ASB17: variants seen among roughly 807,000 people sequenced by gnomAD.
The protein encoded by ASB17 is ankyrin repeat and SOCS box containing 17.
ASB17 carries 26 observed loss-of-function variants against 25.7 expected under a neutral mutation model. The ratio of observed to expected loss-of-function variants is 1.01; its 90% confidence interval spans 0.74 to 1.40. The LOEUF (loss-of-function observed/expected upper bound fraction) is 1.40, where lower values mean the gene tolerates loss of function less well. Among genes scored for constraint, ASB17 ranks in the 40% most tolerant of loss-of-function variants. ASB17 has a pLI of 0.00. For synonymous variants in ASB17, 128 were observed against 121.4 expected (o/e 1.05, Z -0.36); for missense variants, 326 against 338.5 (o/e 0.96, Z 0.29).
Position 75,918,876 on chromosome 1 carries a change from C to T in ASB17, c.*76G>A. 4 of 1,203,924 alleles carry T rather than the reference C, an allele frequency of 3.3e-6. No individual in the cohort carries two copies. The highest frequency in any genetic ancestry group is 2.6e-5 in the South Asian group (2 of 77,098). 74.6% of individuals were successfully genotyped at this position (1,203,924 alleles called of 1,614,324 possible). A position where few individuals can be genotyped will look rare whatever the true frequency, so the allele number is the denominator to read the frequency against. On this transcript the variant is annotated 3_prime_UTR_variant, in exon 3 of 3. Transcript: ENST00000284142. ...GAATGTTTAATGCAATAAAAACTTA[C>T]ATGAAGTGAATTTTTATTAACTTCT... is the stretch of plus-strand genomic sequence containing the variant.
At position 75,931,830 on chromosome 1, in the gene ASB17, C is replaced by T. The variant is rs146811000; in HGVS notation, c.401+61G>A. The stretch of plus-strand genomic sequence containing the variant: ...ACATGTGAGTTTTAGAAAAAAGAAG[C>T]ACTCTACTCTCGTAAAGATAAATTT... On this transcript the variant is annotated intron_variant, in intron 1 of 2. Transcript: ENST00000284142. 658 of 1,439,416 alleles carry T rather than the reference C, an allele frequency of 4.6e-4. 6 individuals carry two copies. The East Asian group carries it at 0.013, about 29-fold the overall frequency. 89.2% of individuals were successfully genotyped at this position (1,439,416 alleles called of 1,614,324 possible). A position where few individuals can be genotyped will look rare whatever the true frequency, so the allele number is the denominator to read the frequency against.
intron 1 of ASB17, among the ~76,000 whole-genome samples, chr1:75,929,560 T>A (rs2100615874): frequency 6.6e-6 from 1 of 152,340 alleles, no homozygotes; most frequent in African/African-American, 2.4e-5. Context: ...TTGAATGTTA[T>A]ACCCCTTGTA....
intron 1 of ASB17, among the ~76,000 whole-genome samples, chr1:75,924,161 G>C (rs886449904): frequency 6.6e-6 from 1 of 152,136 alleles, no homozygotes; most frequent in African/African-American, 2.4e-5. Context: ...AATGTTTTAG[G>C]CACAAGCATA....
intron 1 of ASB17, among the ~76,000 whole-genome samples, chr1:75,926,359 T>C (rs1337394855): frequency 6.6e-6 from 1 of 152,096 alleles, no homozygotes; most frequent in Admixed American, 6.6e-5. Context: ...TTAAATAAGA[T>C]GATGGAAGAG....
At chr1:75,919,449 A>G (rs953927365) in intron 2 of ASB17, among the ~76,000 whole-genome samples, 17 of 152,078 alleles carry the variant, frequency 1.1e-4, no homozygotes, top group Non-Finnish European at 1.5e-4. Context: ...GGTTAGTTAC[A>G]TATGTATACA....
At chr1:75,930,810 C>G (rs1653304331) in intron 1 of ASB17, among the ~76,000 whole-genome samples, 1 of 152,080 alleles carries the variant, frequency 6.6e-6, no homozygotes, top group Non-Finnish European at 1.5e-5. Flanking sequence ...GTGGACCTTC[C>G]AGGGCTGTAG....
At chr1:75,926,771 A>G (rs1653184255) in intron 1 of ASB17, among the ~76,000 whole-genome samples, 1 of 152,238 alleles carries the variant, frequency 6.6e-6, no homozygotes, top group Non-Finnish European at 1.5e-5. Context: ...TAAGAGAAAC[A>G]TTAAGGATGG....
intron 2 of ASB17, among the ~76,000 whole-genome samples, chr1:75,919,991 A>G (rs537801609): frequency 2.6e-5 from 4 of 152,182 alleles, no homozygotes; most frequent in African/African-American, 9.7e-5. Flanking sequence ...TATTTTATCA[A>G]CTTCTTCCTG....
Position 75,932,081 on chromosome 1 carries a change from T to C in ASB17, c.211A>G (p.Ile71Val). 3 of 1,614,090 alleles carry C rather than the reference T, an allele frequency of 1.9e-6. No homozygotes were observed. The highest frequency in any genetic ancestry group is 2.2e-5 in the East Asian group (1 of 44,864). ...TATCCTGATTTTTCCACAAATGCAA[T>C]GTAATCTGTGAGTAGTGCGTCAAAA... ...DGFDALLTDYIAFVEKSGYRF... is the reference protein window; with the variant it reads ...DGFDALLTDYVAFVEKSGYRF... Residue 71 changes from isoleucine to valine, a missense_variant, in exon 1 of 3, where the codon ATT becomes GTT. By Grantham distance (29) the Ile-to-Val change is conservative. Transcript: ENST00000284142.
chr1:75,929,605 A>G (rs925028651), intron 1 of ASB17, among the ~76,000 whole-genome samples: 2 of 152,164 alleles, frequency 1.3e-5, no homozygotes, highest in Non-Finnish European at 2.9e-5. Context: ...GGAGGATTTT[A>G]ACTATGGTTG....
At chr1:75,920,768 T>G (rs1229576451) in intron 2 of ASB17, among the ~76,000 whole-genome samples, 1 of 151,956 alleles carries the variant, frequency 6.6e-6, no homozygotes, top group East Asian at 1.9e-4. Context: ...GCTTTTCTTT[T>G]CTTTTCTTTT....
Position 75,921,069 on chromosome 1 carries a change from C to T in ASB17, c.681+1011G>A, listed in dbSNP as rs150703047. Among the ~76,000 whole-genome samples the T allele has an allele frequency of 6.3e-3, 964 of 152,256 alleles. 15 individuals carry two copies. Among genetic ancestry groups the T allele is most frequent in the Admixed American group, 0.035 (538 of 15,278 alleles). ...GATTACAGGCGTGAGCCACTGCGCC[C>T]GGCCTGTCCTAGTGCTTTTCTACTA... is the stretch of plus-strand genomic sequence containing the variant. On this transcript the variant is annotated intron_variant, in intron 2 of 2. Transcript: ENST00000284142.
chr1:75,924,105 C>T (rs903569577), intron 1 of ASB17, among the ~76,000 whole-genome samples: 12 of 151,886 alleles, frequency 7.9e-5, no homozygotes, highest in Admixed American at 7.9e-4. Flanking sequence ...CCAGAAACTA[C>T]GATTTGAAAG....
chr1:75,931,108 T>G (rs1796815), intron 1 of ASB17, among the ~76,000 whole-genome samples: 33,570 of 152,142 alleles, frequency 0.22, 4,354 homozygotes, highest in Middle Eastern at 0.35. Flanking sequence ...TGTTTTTCAT[T>G]GCATACATGC....
intron 1 of ASB17, among the ~76,000 whole-genome samples, chr1:75,923,993 A>G (rs1653101054): frequency 6.6e-6 from 1 of 152,208 alleles, no homozygotes; most frequent in African/African-American, 2.4e-5. Context: ...TAAATACAAT[A>G]CAAGGTGATA....
Position 75,926,493 on chromosome 1 carries a change from C to A in ASB17, c.402-4134G>T, listed in dbSNP as rs1225998494. On this transcript the variant is annotated intron_variant, in intron 1 of 2. Coordinates refer to ENST00000284142, the MANE Select transcript of ASB17 (RefSeq NM_080868.3). ...GAGTGATGAAGGAAGAATAACGGAA[C>A]CAGCGCGGCTGAAAAGAGGACAGAG... Among the ~76,000 whole-genome samples, 4 of 152,136 alleles carry A rather than the reference C, an allele frequency of 2.6e-5. No individual in the cohort carries two copies. The South Asian group carries it at 6.2e-4, about 24-fold the overall frequency.
chr1:75,931,511 G>T (rs912062740), intron 1 of ASB17, among the ~76,000 whole-genome samples: 8 of 152,110 alleles, frequency 5.3e-5, no homozygotes. Flanking sequence ...GAAGATGTGT[G>T]CATGTTCCCA....
intron 2 of ASB17, among the ~76,000 whole-genome samples, chr1:75,919,423 A>G (rs985921379): frequency 6.6e-6 from 1 of 151,966 alleles, no homozygotes; most frequent in Non-Finnish European, 1.5e-5. Flanking sequence ...TTTAGGGTAC[A>G]TGTGCACAAT....
chr1:75,930,445 C>G (rs1653294589), intron 1 of ASB17, among the ~76,000 whole-genome samples: 1 of 151,094 alleles, frequency 6.6e-6, no homozygotes. Flanking sequence ...TAACTCACTA[C>G]TTCTAGAATT....
Sources: allele counts gnomAD v4.1 joint callset (sites outside exome capture counted in the v4.1 genomes callset), GRCh38; gene constraint gnomAD v4.1.1; transcripts MANE v1.5; gene names NCBI Gene and HGNC (gene_info 2026-07-23, HGNC 2026-07-21).